VWA8: variants seen among roughly 807,000 people sequenced by gnomAD.
VWA8 encodes the protein von Willebrand factor A domain-containing protein 8.
VWA8 carries 221 observed loss-of-function variants against 241.5 expected under a neutral mutation model. The observed-to-expected ratio is 0.91, with a 90% CI of 0.82 to 1.02. The LOEUF (loss-of-function observed/expected upper bound fraction) is 1.02. Among genes scored for constraint, VWA8 ranks in the 50% least tolerant of loss-of-function variants. The pLI, the probability that VWA8 is intolerant of heterozygous loss-of-function variation, is 0.00. For synonymous variants in VWA8, 852 were observed against 827.1 expected (o/e 1.03, Z -0.52); for missense variants, 2,322 against 2,328.7 (o/e 1.00, Z 0.06).
At chr13:41,812,639 C>T (rs1300854267) in intron 16 of VWA8, among the ~76,000 whole-genome samples, 1 of 152,144 alleles carries the variant, frequency 6.6e-6, no homozygotes, top group Non-Finnish European at 1.5e-5. Flanking sequence ...ATTTATCCTT[C>T]CTTGTGTATT....
chr13:41,752,658 C>A (rs76414106), intron 21 of VWA8, among the ~76,000 whole-genome samples: 1,775 of 152,240 alleles, frequency 0.012, 43 homozygotes, highest in African/African-American at 0.04. Flanking sequence ...TACTACAGTG[C>A]AAACCAATGT....
chr13:41,644,345 T>A (rs182404583), intron 37 of VWA8, among the ~76,000 whole-genome samples: 3 of 152,190 alleles, frequency 2.0e-5, no homozygotes, highest in African/African-American at 7.2e-5. Context: ...GATAATTAAA[T>A]ATATATTTTG....
intron 38 of VWA8, among the ~76,000 whole-genome samples, chr13:41,614,295 G>A (rs908117805): frequency 3.3e-5 from 5 of 152,204 alleles, no homozygotes; most frequent in Non-Finnish European, 2.9e-5. Flanking sequence ...CACTCCTCAT[G>A]GTGAGATAAG....
chr13:41,910,043 T>C (rs1875918836), intron 3 of VWA8, among the ~76,000 whole-genome samples: 1 of 152,224 alleles, frequency 6.6e-6, no homozygotes, highest in African/African-American at 2.4e-5. Context: ...AGTTTTCTTA[T>C]GTATATCCAC....
At chr13:41,950,133 G>A (rs1348895267) in intron 1 of VWA8, 120 bp from the exon 2 acceptor site, 8 of 536,438 alleles carry the variant, frequency 1.5e-5, no homozygotes, top group Admixed American at 3.6e-5. Context: ...CTACGCAGCT[G>A]TCTATAAGTC....
intron 21 of VWA8, among the ~76,000 whole-genome samples, chr13:41,736,545 T>C (rs2045526184): frequency 6.6e-6 from 1 of 152,188 alleles, no homozygotes; most frequent in African/African-American, 2.4e-5. Flanking sequence ...GAGCAGAAGA[T>C]CTCAAAATAG....
intron 1 of VWA8, among the ~76,000 whole-genome samples, chr13:41,957,954 A>G (rs964124786): frequency 6.6e-6 from 1 of 152,222 alleles, no homozygotes; most frequent in African/African-American, 2.4e-5. Flanking sequence ...TCCCACTGAA[A>G]CAACTTGCTT....
At chr13:41,756,082 T>C (rs991752333) in intron 21 of VWA8, among the ~76,000 whole-genome samples, 11 of 151,666 alleles carry the variant, frequency 7.3e-5, no homozygotes, top group East Asian at 1.9e-4. Context: ...ACAAAACTGA[T>C]TGAGAAGGCA....
intron 17 of VWA8, among the ~76,000 whole-genome samples, chr13:41,810,760 T>A (rs1254432099): frequency 6.6e-6 from 1 of 152,060 alleles, no homozygotes; most frequent in Non-Finnish European, 1.5e-5. Context: ...ACTAAAAGTA[T>A]AATTGGAACG....
intron 19 of VWA8, among the ~76,000 whole-genome samples, chr13:41,780,077 C>G (rs1040957019): frequency 1.1e-4 from 16 of 152,144 alleles, no homozygotes; most frequent in Admixed American, 1.0e-3. Context: ...CAATTCCTTC[C>G]TTCTACCTTC....
chr13:41,921,426 A>G (rs1344231047), intron 2 of VWA8, among the ~76,000 whole-genome samples: 3 of 152,178 alleles, frequency 2.0e-5, no homozygotes, highest in African/African-American at 4.8e-5. Flanking sequence ...CAGTGTTGGA[A>G]GTTCTGGCCA....
Position 41,607,441 on chromosome 13 carries a change from ATCTC to A in VWA8, c.4878-2169_4878-2166del, listed in dbSNP as rs143989349. ...TATTTAGTTTCTGGCAGTCTCTGAA[ATCTC>A]TCTATGACTTTTTATTAGATTAAGT... On this transcript the variant is annotated intron_variant, in intron 39 of 44. Transcript: ENST00000379310. Among the ~76,000 whole-genome samples, 506 of 152,308 alleles carry A rather than the reference ATCTC, an allele frequency of 3.3e-3. 3 individuals carry two copies. Among genetic ancestry groups the A allele is most frequent in the African/African-American group, 0.012 (490 of 41,570 alleles).
chr13:41,670,460 G>A (rs1471000608), intron 37 of VWA8, among the ~76,000 whole-genome samples: 1 of 151,952 alleles, frequency 6.6e-6, no homozygotes, highest in East Asian at 1.9e-4. Context: ...TGCATTACTT[G>A]GAAATAAGGA....
intron 12 of VWA8, among the ~76,000 whole-genome samples, chr13:41,841,509 G>A (rs1035993596): frequency 5.9e-5 from 9 of 151,888 alleles, no homozygotes; most frequent in African/African-American, 2.2e-4. Context: ...ACAGTAGGCC[G>A]GGTGCGGTGG....
At chr13:41,627,079 AAAAC>A (rs2044696750) in intron 37 of VWA8, among the ~76,000 whole-genome samples, 1 of 152,172 alleles carries the variant, frequency 6.6e-6, no homozygotes, top group African/African-American at 2.4e-5. Flanking sequence ...ACAAGCAAAA[AAAAC>A]AAACAACCCA....
intron 42 of VWA8, among the ~76,000 whole-genome samples, chr13:41,585,593 C>T (rs1301143338): frequency 2.6e-5 from 4 of 152,098 alleles, no homozygotes; most frequent in African/African-American, 9.7e-5. Flanking sequence ...GGGCCAGGTG[C>T]GGTGGCTTGC....
rs1019106943 is a variant in VWA8, at chr13:41,887,339, T to G, written c.674A>C (p.Asp225Ala). The change falls in exon 6 of 45, where the codon GAT becomes GCT. Residue 225 changes from aspartate to alanine, a missense_variant. Physicochemically the swap from Asp to Ala is moderately radical, Grantham distance 126. Coordinates refer to ENST00000379310, the MANE Select transcript of VWA8 (RefSeq NM_015058.2). ...LLRDHTKKEL[D>A]SWKIVRVSEN... ...ACTAACTCGGACAATTTTCCAAGAATCCAACTCTTTTTTGGTATGATCCTA... is the reference window on the plus strand; with the variant it reads ...ACTAACTCGGACAATTTTCCAAGAAGCCAACTCTTTTTTGGTATGATCCTA... The G allele has an allele frequency of 6.2e-7, 1 of 1,612,432 alleles. No homozygotes were observed. Among genetic ancestry groups the G allele is most frequent in the South Asian group, 1.1e-5 (1 of 90,816 alleles).
chr13:41,887,095 C>T, intron 6 of VWA8, 102 bp downstream of exon 6: 1 of 1,343,890 alleles, frequency 7.4e-7, no homozygotes, highest in African/African-American at 1.5e-5. Flanking sequence ...ATGACCTACT[C>T]AGGAAGACAT....
intron 37 of VWA8, among the ~76,000 whole-genome samples, chr13:41,633,299 A>G (rs551437240): frequency 6.6e-6 from 1 of 152,324 alleles, no homozygotes; most frequent in South Asian, 2.1e-4. Context: ...TCTGGAGGGA[A>G]GGGACTGAAT....
Sources: allele counts gnomAD v4.1 joint callset (sites outside exome capture counted in the v4.1 genomes callset), GRCh38; gene constraint gnomAD v4.1.1; transcripts MANE v1.5; gene names NCBI Gene and HGNC (gene_info 2026-07-23, HGNC 2026-07-21).